Variants in ZMYND8 observed in about 807,000 individuals in gnomAD.
The protein encoded by ZMYND8 is zinc finger MYND-type containing 8.
A neutral mutation model predicts 140.8 loss-of-function variants in ZMYND8; 37 were observed. The ratio of observed to expected loss-of-function variants is 0.26; its 90% CI spans 0.20 to 0.35. ZMYND8 has a LOEUF of 0.35. Among genes scored for constraint, ZMYND8 ranks in the 10% least tolerant of loss-of-function variants. The probability of loss-of-function intolerance (pLI) is 1.00; values close to 1 mark genes in which losing one functional copy is unlikely to be tolerated. For synonymous variants in ZMYND8, 592 were observed against 597.1 expected, an observed-to-expected ratio of 0.99 and a Z score of 0.12; for missense variants, 1,068 against 1,570.0, an observed-to-expected ratio of 0.68 and a Z score of 5.40.
chr20:47,338,652 G>A (rs1377324660), intron 2 of ZMYND8, among the ~76,000 whole-genome samples: 1 of 152,118 alleles, frequency 6.6e-6, no homozygotes, highest in Non-Finnish European at 1.5e-5. Flanking sequence ...GGAAACAGAA[G>A]CTACCACCAC....
At chr20:47,290,080 G>T (rs148056610) in intron 7 of ZMYND8, 107 bp downstream of exon 7, 1 of 1,056,126 alleles carries the variant, frequency 9.5e-7, no homozygotes, top group Non-Finnish European at 1.4e-6. Context: ...CAATCTATAC[G>T]CAAGTATTCT....
rs544126980 is a variant in ZMYND8, at chr20:47,318,582, C to A, written c.86-8378G>T. On this transcript the variant is annotated intron_variant, in intron 2 of 22. Transcript: ENST00000471951. Reference sequence around the variant, plus strand: ...TCCTCGCAGCAGAGAATGCCTAAGCCAGGAGGAACTTGTAAATGAAAACCG... The same window carrying A: ...TCCTCGCAGCAGAGAATGCCTAAGCAAGGAGGAACTTGTAAATGAAAACCG... The A allele has an allele frequency of 3.9e-5, 15 of 381,098 alleles. No individual in the cohort carries two copies. The East Asian group carries it at 1.0e-3, about 26-fold the overall frequency. 23.6% of individuals were successfully genotyped at this position (381,098 alleles called of 1,614,324 possible). A position where few individuals can be genotyped will look rare whatever the true frequency, so the allele number is the denominator to read the frequency against.
rs1332006989 is a variant in ZMYND8, at chr20:47,209,911, C to T, written c.*850G>A. The T allele has an allele frequency of 1.3e-5, 2 of 152,736 alleles. No individual in the cohort carries two copies. The highest frequency in any genetic ancestry group is 2.4e-5 in the African/African-American group (1 of 41,562). The allele number at this position is 152,736 out of a possible 1,614,324, so 9.5% of individuals were successfully genotyped here. ...CTTCCAAGAAGCACAGCATCTCTGA[C>T]CAAGTGTGTGTGAGTGTGTTTAAAG... On this transcript the variant is annotated 3_prime_UTR_variant, in exon 23 of 23. Transcript: ENST00000471951.
rs544930822 is a variant in ZMYND8, at chr20:47,248,883, G to A, written c.1774+404C>T. On this transcript the variant is annotated intron_variant, in intron 13 of 22. Coordinates refer to ENST00000471951, the MANE Select transcript of ZMYND8 (RefSeq NM_001281775.3). The stretch of plus-strand genomic sequence containing the variant: ...ACAGCTACAGAAGCAGGGTTTGCCC[G>A]GTGGGGAGGAGACCAGTCTGGAGGG... 1.9e-3 allele frequency among the ~76,000 whole-genome samples: 292 copies of A among 152,320 alleles called. 9 individuals are homozygous for A. The South Asian group carries it at 0.057, about 30-fold the overall frequency.
chr20:47,308,404 G>C (rs1306658043), intron 3 of ZMYND8, among the ~76,000 whole-genome samples: 1 of 151,938 alleles, frequency 6.6e-6, no homozygotes. Context: ...ATTTTTAGTA[G>C]GGCCAGGGTT....
chr20:47,250,838 A>C (rs752589671), intron 12 of ZMYND8, among the ~76,000 whole-genome samples: 4 of 152,120 alleles, frequency 2.6e-5, no homozygotes, highest in Non-Finnish European at 4.4e-5. Flanking sequence ...CTCCAACTTA[A>C]TTTTATCAGC....
At chr20:47,290,301 T>C (rs1473193399) in intron 6 of ZMYND8, 27 bp from the exon 7 acceptor site, 1 of 1,605,756 alleles carries the variant, frequency 6.2e-7, no homozygotes, top group Non-Finnish European at 8.5e-7. Flanking sequence ...TGGAGCATAA[T>C]CACAGTGAGT....
chr20:47,298,949 T>C lies in ZMYND8; in HGVS notation c.235-2A>G. 1 of 1,613,212 alleles carries C rather than the reference T, an allele frequency of 6.2e-7. No individual in the cohort carries two copies. ...AAACGGACCATGTCTTAGTTCTGAC[T>C]GAAATGTAGGCAAAAAGACAGGTTT... On this transcript the variant is annotated splice_acceptor_variant, in intron 3 of 22. Transcript: ENST00000471951. LOFTEE classifies it high-confidence loss of function. This position sits in a 1 kb window ranked among gnomAD's most constrained non-coding sequence, Gnocchi z 5.0.
At chr20:47,306,784 G>A (rs2078518651) in intron 3 of ZMYND8, among the ~76,000 whole-genome samples, 2 of 152,096 alleles carry the variant, frequency 1.3e-5, no homozygotes, top group Admixed American at 1.3e-4. Context: ...GAACAAAGAA[G>A]AGAAACTAAA....
intron 9 of ZMYND8, 91 bp from the exon 10 acceptor site, chr20:47,282,308 T>C: frequency 9.2e-7 from 1 of 1,083,984 alleles, no homozygotes; most frequent in Non-Finnish European, 1.4e-6. Flanking sequence ...AGCAGGACTG[T>C]GGGACACAGG....
intron 13 of ZMYND8, among the ~76,000 whole-genome samples, chr20:47,248,796 AGAAGGCAGGATTCAGGTAGGCAGTGT>A (rs768423258): frequency 9.8e-5 from 15 of 152,350 alleles, no homozygotes; most frequent in Non-Finnish European, 1.5e-4. Context: ...TCAGCCTCAC[AGAAGGCAGGATTCAGGTAGGCAGTGT>A]GAAGGCAGGC....
At position 47,298,302 on chromosome 20, in the gene ZMYND8, GC is replaced by G. The variant is rs1482847500; in HGVS notation, c.453+426del. ...ACCAGACGGCCACTACAGGGAACAT[GC>G]AACCAAACGTGGTCTTCTCAGCTTG... On this transcript the variant is annotated intron_variant, in intron 4 of 22. Transcript: ENST00000471951. The surrounding 1 kb of genome is among the most constrained non-coding windows in gnomAD (Gnocchi z 5.0). The G allele has an allele frequency of 1.9e-5, 19 of 985,428 alleles. No individual in the cohort carries two copies. The highest frequency in any genetic ancestry group is 2.3e-5 in the Non-Finnish European group (19 of 829,938). 61.0% of individuals were successfully genotyped at this position (985,428 alleles called of 1,614,324 possible). A position where few individuals can be genotyped will look rare whatever the true frequency, so the allele number is the denominator to read the frequency against.
chr20:47,331,650 AGAG>A (rs149573365), intron 2 of ZMYND8, among the ~76,000 whole-genome samples: 5,212 of 152,268 alleles, frequency 0.034, 146 homozygotes, highest in Middle Eastern at 0.099. Flanking sequence ...ATGGCCAGAG[AGAG>A]GAGGAGAAGG....
At chr20:47,216,715 G>T (rs143724902) in intron 21 of ZMYND8, among the ~76,000 whole-genome samples, 2 of 152,062 alleles carry the variant, frequency 1.3e-5, no homozygotes, top group African/African-American at 2.4e-5. Context: ...GCTGAGGCAG[G>T]AGAATCACTT....
chr20:47,241,475 C>T (rs1199487183), intron 14 of ZMYND8, among the ~76,000 whole-genome samples: 3 of 151,780 alleles, frequency 2.0e-5, no homozygotes, highest in African/African-American at 4.8e-5. Context: ...TTTCAACAGG[C>T]GGAAAGTGAG....
At chr20:47,211,012 T>C (rs1363976283) in intron 22 of ZMYND8, 115 bp from the exon 23 acceptor site, 3 of 1,425,334 alleles carry the variant, frequency 2.1e-6, no homozygotes, top group Non-Finnish European at 2.9e-6. Context: ...TCCCAATTGA[T>C]GGTTCAAACA....
intron 16 of ZMYND8, among the ~76,000 whole-genome samples, chr20:47,233,319 C>A (rs574178067): frequency 6.6e-6 from 1 of 151,678 alleles, no homozygotes; most frequent in Non-Finnish European, 1.5e-5. Flanking sequence ...AAGTAATCCT[C>A]CCATCTCAGC....
chr20:47,212,279 C>T (rs769651996), intron 22 of ZMYND8, among the ~76,000 whole-genome samples: 1 of 152,166 alleles, frequency 6.6e-6, no homozygotes, highest in Non-Finnish European at 1.5e-5. Flanking sequence ...CTCCCAGAAC[C>T]AGGCTGGCTA....
chr20:47,236,259 G>A (rs1021413298), intron 16 of ZMYND8, 67 bp downstream of exon 16: 36 of 1,601,332 alleles, frequency 2.2e-5, no homozygotes, highest in Non-Finnish European at 2.7e-5. Flanking sequence ...CTTCCCCTCG[G>A]GAGACCAAGA....
Sources: gnomAD v4.1 joint callset for allele counts (sites outside exome capture counted in the v4.1 genomes callset) on GRCh38, gnomAD v4.1.1 for gene constraint, Gnocchi (gnomAD v3.1) non-coding constraint, MANE v1.5 for transcripts, NCBI Gene and HGNC (gene_info 2026-07-23, HGNC 2026-07-21) for gene names.